DMD: variants seen among roughly 807,000 people sequenced by gnomAD.
DMD encodes the protein mutant dystrophin.
Under a neutral mutation model 330.1 loss-of-function variants are expected in DMD, and 63 were observed. The observed-to-expected ratio is 0.19, with a 90% CI of 0.16 to 0.24. The LOEUF (loss-of-function observed/expected upper bound fraction) is 0.24, where lower values mean the gene tolerates loss of function less well. Ranked by LOEUF, DMD falls within the 10% of genes least tolerant of loss-of-function variation. The pLI is 1.00. For synonymous variants in DMD, 1,223 were observed against 959.8 expected (o/e 1.27, Z -5.07); for missense variants, 3,344 against 2,684.1 (o/e 1.25, Z -5.43).
At chrX:31,284,135 T>G (rs946365601) in intron 62 of DMD, among the ~76,000 whole-genome samples, 7 of 112,034 alleles carry the variant, frequency 6.2e-5, no homozygotes, top group African/African-American at 2.3e-4. Flanking sequence ...TCATGTAATT[T>G]ATTGAATACT....
chrX:32,472,672 A>T (rs1045534204), intron 21 of DMD, among the ~76,000 whole-genome samples: 1 of 111,139 alleles, frequency 9.0e-6, no homozygotes, highest in Non-Finnish European at 1.9e-5. Flanking sequence ...GCAGGGTCCA[A>T]TTGTATCTGA....
intron 54 of DMD, among the ~76,000 whole-genome samples, chrX:31,652,221 T>C (rs1429297882): frequency 8.9e-6 from 1 of 111,858 alleles, no homozygotes; most frequent in Non-Finnish European, 1.9e-5. Context: ...TGCCACCTTT[T>C]CAGTAAGACC....
Position 32,352,296 on chromosome X carries a change from A to AC in DMD, c.5326-3769dup, listed in dbSNP as rs370305447. 3.3e-3 allele frequency among the ~76,000 whole-genome samples: 367 copies of AC among 110,753 alleles called. 1 individual carries two copies. Among genetic ancestry groups the AC allele is most frequent in the African/African-American group, 0.011 (351 of 30,775 alleles). Reference sequence around the variant, plus strand: ...GTTCTTGTCTCTAAATTCAAGTAGAACTTTTATAGTAGTGCAGCTCAATAG... The same window carrying AC: ...GTTCTTGTCTCTAAATTCAAGTAGAACCTTTTATAGTAGTGCAGCTCAATAG... On this transcript the variant is annotated intron_variant, in intron 37 of 78. Coordinates refer to ENST00000357033, the MANE Select transcript of DMD (RefSeq NM_004006.3).
intron 1 of DMD, among the ~76,000 whole-genome samples, chrX:33,208,615 T>A (rs1378788638): frequency 9.0e-6 from 1 of 111,030 alleles, no homozygotes; most frequent in Admixed American, 9.7e-5. Flanking sequence ...CAGAAAATTA[T>A]CTTTAAAGAA....
intron 51 of DMD, among the ~76,000 whole-genome samples, chrX:31,742,605 G>C (rs1432731881): frequency 8.9e-6 from 1 of 111,832 alleles, no homozygotes; most frequent in Admixed American, 9.5e-5. Flanking sequence ...AAAGGACTCT[G>C]TATTTAAGAC....
At chrX:32,088,135 A>G in intron 44 of DMD, among the ~76,000 whole-genome samples, 1 of 112,475 alleles carries the variant, frequency 8.9e-6, no homozygotes, top group Middle Eastern at 4.6e-3. Context: ...ACTAAAACAT[A>G]TAATGAAAGG....
intron 55 of DMD, among the ~76,000 whole-genome samples, chrX:31,557,900 G>T (rs1229671253): frequency 9.1e-6 from 1 of 110,430 alleles, no homozygotes; most frequent in African/African-American, 3.3e-5. Context: ...GAGTGGAGTT[G>T]CCACCATTCC....
intron 1 of DMD, among the ~76,000 whole-genome samples, chrX:33,127,551 CTTG>C (rs1050239479): frequency 9.0e-6 from 1 of 110,724 alleles, no homozygotes; most frequent in African/African-American, 3.3e-5. Context: ...CACAAGGATC[CTTG>C]TTATTTCCGT....
intron 2 of DMD, among the ~76,000 whole-genome samples, chrX:32,931,097 CAT>C (rs1302908954): frequency 1.9e-5 from 2 of 107,505 alleles, no homozygotes; most frequent in Admixed American, 1.0e-4. Flanking sequence ...TATATATATT[CAT>C]ATGATTCATA....
intron 2 of DMD, among the ~76,000 whole-genome samples, chrX:32,864,872 A>G (rs2082361075): frequency 8.9e-6 from 1 of 112,272 alleles, no homozygotes; most frequent in African/African-American, 3.2e-5. Context: ...CTTGAAGTTG[A>G]TAAGGATTAA....
intron 4 of DMD, 98 bp from the exon 5 acceptor site, chrX:32,823,485 A>T: frequency 1.6e-6 from 1 of 608,372 alleles, no homozygotes; most frequent in Non-Finnish European, 2.8e-6. Flanking sequence ...GCATTTAGCT[A>T]TTTTCAGAGA....
intron 34 of DMD, among the ~76,000 whole-genome samples, chrX:32,380,248 T>C (rs1187335468): frequency 9.0e-6 from 1 of 111,164 alleles, no homozygotes; most frequent in Non-Finnish European, 1.9e-5. Context: ...GGACCAATTT[T>C]CAGACTAATG....
intron 7 of DMD, among the ~76,000 whole-genome samples, chrX:32,772,091 G>A (rs763318091): frequency 8.9e-6 from 1 of 112,231 alleles, no homozygotes; most frequent in East Asian, 2.8e-4. Flanking sequence ...TGAGGGCATT[G>A]GTTGGCCATT....
chrX:31,327,829 T>A (rs2056875679), intron 61 of DMD, among the ~76,000 whole-genome samples: 1 of 112,642 alleles, frequency 8.9e-6, no homozygotes, highest in African/African-American at 3.2e-5. Context: ...GCATAATGCA[T>A]AATCCATATT....
At chrX:31,180,564 G>T in intron 68 of DMD, 83 bp from the exon 69 acceptor site, 2 of 661,026 alleles carry the variant, frequency 3.0e-6, no homozygotes, top group Non-Finnish European at 4.9e-6. Flanking sequence ...CTTCTACCAC[G>T]TTCTAATTTG....
intron 9 of DMD, among the ~76,000 whole-genome samples, chrX:32,656,960 G>C (rs2060618824): frequency 1.8e-5 from 2 of 110,602 alleles, no homozygotes; most frequent in South Asian, 3.8e-4. Context: ...TATTTCATAT[G>C]TGTTTATACA....
At chrX:32,245,296 G>A (rs1428515711) in intron 43 of DMD, among the ~76,000 whole-genome samples, 38 of 65,861 alleles carry the variant, frequency 5.8e-4, no homozygotes, top group Non-Finnish European at 8.5e-4. Flanking sequence ...ATTTCTGAGG[G>A]CTCTGTTCTG....
intron 17 of DMD, among the ~76,000 whole-genome samples, chrX:32,518,738 T>C (rs1242009893): frequency 9.0e-6 from 1 of 110,822 alleles, no homozygotes; most frequent in Non-Finnish European, 1.9e-5. Flanking sequence ...GATCTGTCCA[T>C]GTGAAGAGGC....
At chrX:33,305,442 A>G (rs1230718097) in intron 1 of DMD, among the ~76,000 whole-genome samples, 1 of 96,469 alleles carries the variant, frequency 1.0e-5, no homozygotes, top group Non-Finnish European at 2.1e-5. Flanking sequence ...GGGGAGGGAT[A>G]GCATTAGGAG....
Sources: allele counts gnomAD v4.1 joint callset (sites outside exome capture counted in the v4.1 genomes callset), GRCh38; gene constraint gnomAD v4.1.1; transcripts MANE v1.5; gene names NCBI Gene and HGNC (gene_info 2026-07-23, HGNC 2026-07-21).